The following SGCZ variants were observed in gnomAD, a reference collection of about 807,000 sequenced individuals.
The protein encoded by SGCZ is zeta-sarcoglycan.
Under a neutral mutation model 41.3 loss-of-function variants are expected in SGCZ, and 40 were observed. The ratio of observed to expected loss-of-function variants is 0.97; its 90% confidence interval spans 0.75 to 1.26. The LOEUF is 1.26. Ranked by LOEUF, SGCZ falls within the 50% of genes most tolerant of loss-of-function variation. SGCZ has a pLI of 0.00. For missense variants in SGCZ, 552 were observed against 369.8 expected (o/e 1.49, Z -4.04); for synonymous variants, 206 against 137.5 (o/e 1.50, Z -3.49).
chr8:14,556,193 A>G (rs1804029786), intron 1 of SGCZ, among the ~76,000 whole-genome samples: 2 of 151,852 alleles, frequency 1.3e-5, no homozygotes, highest in African/African-American at 4.8e-5. Flanking sequence ...ATGGAAACTG[A>G]TTTTTATAAA....
At chr8:14,628,394 G>A (rs1226231467) in intron 1 of SGCZ, among the ~76,000 whole-genome samples, 2 of 151,964 alleles carry the variant, frequency 1.3e-5, no homozygotes, top group African/African-American at 2.4e-5. Flanking sequence ...GTTTCACCTA[G>A]ATGTCAGGAA....
intron 1 of SGCZ, among the ~76,000 whole-genome samples, chr8:14,950,493 A>C (rs17470444): frequency 2.6e-5 from 4 of 151,826 alleles, no homozygotes; most frequent in Admixed American, 2.0e-4. Context: ...CCAAGCACTG[A>C]ATATCTTTAA....
At chr8:14,441,341 C>T (rs1800257616) in intron 2 of SGCZ, among the ~76,000 whole-genome samples, 3 of 152,256 alleles carry the variant, frequency 2.0e-5, no homozygotes, top group South Asian at 4.1e-4. Context: ...CTTTGGGAGG[C>T]CAAGACAGGT....
chr8:14,587,926 G>C (rs1195958222), intron 1 of SGCZ, among the ~76,000 whole-genome samples: 1 of 151,990 alleles, frequency 6.6e-6, no homozygotes, highest in Non-Finnish European at 1.5e-5. Context: ...TGCATCCACT[G>C]TTTCCTTGTC....
intron 1 of SGCZ, among the ~76,000 whole-genome samples, chr8:14,901,146 T>C (rs755891342): frequency 1.3e-5 from 2 of 152,236 alleles, no homozygotes; most frequent in Non-Finnish European, 2.9e-5. Context: ...ATTATACATA[T>C]GGACTGTAAA....
chr8:14,105,325 T>C (rs1244994753), intron 6 of SGCZ, among the ~76,000 whole-genome samples: 1 of 152,124 alleles, frequency 6.6e-6, no homozygotes, highest in Non-Finnish European at 1.5e-5. Context: ...ATTAATACTC[T>C]ATTAATAAAC....
chr8:14,170,722 G>A (rs900951097), intron 4 of SGCZ, among the ~76,000 whole-genome samples: 3 of 151,922 alleles, frequency 2.0e-5, no homozygotes, highest in Admixed American at 6.6e-5. Context: ...AAAGTTGACG[G>A]GTGAGACGTT....
intron 2 of SGCZ, among the ~76,000 whole-genome samples, chr8:14,336,913 C>A (rs1337369674): frequency 6.6e-6 from 1 of 152,084 alleles, no homozygotes; most frequent in Non-Finnish European, 1.5e-5. Context: ...TCATAATGGA[C>A]CAGTCACCAC....
chr8:15,204,645 C>T (rs767871224), intron 1 of SGCZ, among the ~76,000 whole-genome samples: 3 of 152,194 alleles, frequency 2.0e-5, no homozygotes, highest in African/African-American at 4.8e-5. Flanking sequence ...AAACACCATA[C>T]GATAGAAAGA....
chr8:14,467,873 G>A (rs891227900), intron 2 of SGCZ, among the ~76,000 whole-genome samples: 1 of 152,028 alleles, frequency 6.6e-6, no homozygotes, highest in Non-Finnish European at 1.5e-5. Flanking sequence ...CATTCTCTGA[G>A]AGTAAACTGC....
chr8:14,948,302 T>C (rs571043824), intron 1 of SGCZ, among the ~76,000 whole-genome samples: 1 of 152,236 alleles, frequency 6.6e-6, no homozygotes, highest in East Asian at 1.9e-4. Context: ...GGGTATTCTC[T>C]CTCTCCTAAT....
At chr8:14,617,561 C>G (rs1806146121) in intron 1 of SGCZ, among the ~76,000 whole-genome samples, 1 of 152,108 alleles carries the variant, frequency 6.6e-6, no homozygotes, top group Non-Finnish European at 1.5e-5. Flanking sequence ...CCCAGGGCTT[C>G]TTGTTTCTAA....
intron 2 of SGCZ, among the ~76,000 whole-genome samples, chr8:14,551,484 ATATATTATATATATT>A (rs1563404225): frequency 0.015 from 69 of 4,684 alleles, 2 homozygotes; most frequent in Non-Finnish European, 0.023. Flanking sequence ...TATATATTAT[ATATATTATATATATT>A]ATATATATTA....
intron 2 of SGCZ, among the ~76,000 whole-genome samples, chr8:14,330,664 A>G (rs1318112351): frequency 6.6e-6 from 1 of 152,004 alleles, no homozygotes; most frequent in Non-Finnish European, 1.5e-5. Context: ...CACAGCCAGA[A>G]CTTTGCAATG....
intron 1 of SGCZ, among the ~76,000 whole-genome samples, chr8:14,628,857 T>C (rs1388032883): frequency 6.6e-6 from 1 of 152,108 alleles, no homozygotes; most frequent in Non-Finnish European, 1.5e-5. Flanking sequence ...GCCTGGACCT[T>C]TTGGTGTGGT....
intron 1 of SGCZ, among the ~76,000 whole-genome samples, chr8:15,116,037 C>T (rs1045319807): frequency 2.0e-5 from 3 of 152,104 alleles, no homozygotes; most frequent in Non-Finnish European, 2.9e-5. Flanking sequence ...TTAAAAACAG[C>T]CATAAACAAT....
chr8:14,442,816 T>G (rs571792236), intron 2 of SGCZ, among the ~76,000 whole-genome samples: 33 of 152,320 alleles, frequency 2.2e-4, no homozygotes, highest in African/African-American at 7.5e-4. Flanking sequence ...TTGTTAATTA[T>G]TTTTTGTATC....
At chr8:14,130,487 A>AC (rs71209014) in intron 5 of SGCZ, among the ~76,000 whole-genome samples, 53,100 of 151,774 alleles carry the variant, frequency 0.35, 11,748 homozygotes, top group Non-Finnish European at 0.5. Context: ...TCCCACACAC[A>AC]AAAAAATGAA....
At chr8:15,162,809 G>C (rs1016333976) in intron 1 of SGCZ, among the ~76,000 whole-genome samples, 12 of 152,236 alleles carry the variant, frequency 7.9e-5, no homozygotes, top group African/African-American at 2.4e-4. Context: ...ATACTTTATA[G>C]AGAGTTCCTA....
Sources: gnomAD v4.1 joint callset for allele counts (sites outside exome capture counted in the v4.1 genomes callset) on GRCh38, gnomAD v4.1.1 for gene constraint, MANE v1.5 for transcripts, NCBI Gene and HGNC (gene_info 2026-07-23, HGNC 2026-07-21) for gene names.